The following ZNF705B variants were observed in gnomAD, a reference collection of about 807,000 sequenced individuals.
ZNF705B encodes Putative zinc finger protein 705D-like protein LOC100132396.
A neutral mutation model predicts 10.5 loss-of-function variants in ZNF705B; 1 was observed. The observed-to-expected ratio is 0.10, with a 90% CI of 0.03 to 0.45. The LOEUF (loss-of-function observed/expected upper bound fraction) is 0.45. ZNF705B is among the 20% of genes least tolerant of loss of function. The pLI, the probability that ZNF705B is intolerant of heterozygous loss-of-function variation, is 0.97. For missense variants in ZNF705B, 14 were observed against 84.0 expected, an observed-to-expected ratio of 0.17 and a Z score of 3.26; for synonymous variants, 4 against 25.4, an observed-to-expected ratio of 0.16 and a Z score of 2.53.
chr8:7,936,656 G>T (rs1461608357), intron 2 of ZNF705B, among the ~76,000 whole-genome samples: 12 of 118,554 alleles, frequency 1.0e-4, no homozygotes, highest in South Asian at 2.9e-4. Context: ...CAGTTATAAG[G>T]GGGAGCCGAG....
chr8:7,929,735 G>C (rs1333905371), intron 1 of ZNF705B, among the ~76,000 whole-genome samples: 1 of 114,764 alleles, frequency 8.7e-6, no homozygotes. Flanking sequence ...GATTTACTTT[G>C]AGTGGAGTCA....
At position 7,926,557 on chromosome 8, in the gene ZNF705B, T is replaced by C. The variant is rs1479904483; in HGVS notation, c.-222+160T>C. Reference sequence around the variant, plus strand: ...TTATTATTATTATTATTATCAGTAGTATTATCACCATCATTATTTGCTGTG... The same window carrying C: ...TTATTATTATTATTATTATCAGTAGCATTATCACCATCATTATTTGCTGTG... On this transcript the variant is annotated intron_variant, in intron 1 of 6. Coordinates refer to ENST00000400120, the MANE Select transcript of ZNF705B (RefSeq NM_001193630.1). Among the ~76,000 whole-genome samples the C allele has an allele frequency of 4.9e-4, 53 of 108,068 alleles. 5 individuals carry two copies. The highest frequency in any genetic ancestry group is 1.1e-3 in the Non-Finnish European group (49 of 45,398). 70.9% of individuals were successfully genotyped at this position (108,068 alleles called of 152,430 possible). A position where few individuals can be genotyped will look rare whatever the true frequency, so the allele number is the denominator to read the frequency against.
At chr8:7,932,798 T>G (rs75532646) in intron 2 of ZNF705B, among the ~76,000 whole-genome samples, 1,323 of 109,994 alleles carry the variant, frequency 0.012, 28 homozygotes, top group African/African-American at 0.033. Flanking sequence ...AATATCTTGA[T>G]TCTATACTCT....
chr8:7,937,204 C>T (rs1410428696), intron 2 of ZNF705B, among the ~76,000 whole-genome samples: 8 of 118,618 alleles, frequency 6.7e-5, no homozygotes, highest in African/African-American at 2.1e-4. Context: ...AGCACTAAGG[C>T]TTGGTATTCT....
chr8:7,940,705 G>A (rs562598555), intron 2 of ZNF705B, among the ~76,000 whole-genome samples: 2 of 147,598 alleles, frequency 1.4e-5, no homozygotes, highest in East Asian at 4.0e-4. Context: ...TCATTCTGTG[G>A]TTGGCCTATT....
At chr8:7,932,058 T>G (rs1231577509) in intron 2 of ZNF705B, among the ~76,000 whole-genome samples, 1 of 119,500 alleles carries the variant, frequency 8.4e-6, no homozygotes, top group Non-Finnish European at 2.0e-5. Flanking sequence ...TGGGGGCACG[T>G]GCAGACGATC....
chr8:7,932,493 A>G lies in ZNF705B; in HGVS notation c.-72+2057A>G, dbSNP rs1454938474. Among the ~76,000 whole-genome samples the G allele has an allele frequency of 9.1e-5, 11 of 121,420 alleles. 4 individuals carry two copies. The Admixed American group carries it at 1.0e-3, about 11-fold the overall frequency. The allele number at this position is 121,420 out of a possible 152,430, so 79.7% of individuals were successfully genotyped here. A position where few individuals can be genotyped will look rare whatever the true frequency, so the allele number is the denominator to read the frequency against. ...GATAATATTCTATGTGATGGCTTTA[A>G]TATATGTGTCCAAACTGCTTCTTTT... On this transcript the variant is annotated intron_variant, in intron 2 of 6. Coordinates refer to ENST00000400120, the MANE Select transcript of ZNF705B (RefSeq NM_001193630.1).
At chr8:7,935,294 T>C (rs1325474294) in intron 2 of ZNF705B, among the ~76,000 whole-genome samples, 1 of 143,922 alleles carries the variant, frequency 6.9e-6, no homozygotes, top group African/African-American at 2.5e-5. Context: ...GAGTGAAACA[T>C]TCAAGGTCTT....
At chr8:7,928,900 G>C (rs1280662947) in intron 1 of ZNF705B, among the ~76,000 whole-genome samples, 1 of 107,466 alleles carries the variant, frequency 9.3e-6, no homozygotes, top group Non-Finnish European at 2.2e-5. Context: ...TAGGGTATGA[G>C]TACAAAAAGG....
In ZNF705B at chr8:7,928,374, A is replaced by C. The variant is rs1470321183; in HGVS notation, c.-221-1913A>C. ...CCTCCCTCCGTCAATTTATTCATTC[A>C]TGTATTGATTCTTTCATTCAAGTGT... On this transcript the variant is annotated intron_variant, in intron 1 of 6. Coordinates refer to ENST00000400120, the MANE Select transcript of ZNF705B (RefSeq NM_001193630.1). Among the ~76,000 whole-genome samples the C allele has an allele frequency of 4.1e-5, 5 of 120,968 alleles. 1 individual carries two copies. Among genetic ancestry groups the C allele is most frequent in the Admixed American group, 9.4e-5 (1 of 10,616 alleles). The allele number at this position is 120,968 out of a possible 152,430, so 79.4% of individuals were successfully genotyped here.
chr8:7,941,193 G>A (rs1392731064), intron 2 of ZNF705B, among the ~76,000 whole-genome samples: 2 of 145,272 alleles, frequency 1.4e-5, no homozygotes, highest in African/African-American at 5.0e-5. Flanking sequence ...ATATTCCTTT[G>A]GGTATATACC....
chr8:7,928,323 G>T (rs530780741), intron 1 of ZNF705B, among the ~76,000 whole-genome samples: 3 of 120,602 alleles, frequency 2.5e-5, no homozygotes, highest in South Asian at 5.6e-4. Context: ...TCAAACATTC[G>T]GGCCACAGCA....
At chr8:7,933,515 GCA>G (rs1819908670) in intron 2 of ZNF705B, among the ~76,000 whole-genome samples, 1 of 34,070 alleles carries the variant, frequency 2.9e-5, no homozygotes, top group African/African-American at 5.7e-5. Flanking sequence ...AAGCTGGGAA[GCA>G]AAGGAATTCC....
intron 1 of ZNF705B, among the ~76,000 whole-genome samples, chr8:7,927,916 A>G (rs2128940782): frequency 7.2e-6 from 1 of 139,052 alleles, no homozygotes; most frequent in East Asian, 2.2e-4. Context: ...CCACTGTTAG[A>G]GAGGTCGAAA....
intron 2 of ZNF705B, among the ~76,000 whole-genome samples, chr8:7,940,737 A>G (rs1820129025): frequency 6.9e-6 from 1 of 145,878 alleles, no homozygotes; most frequent in African/African-American, 2.5e-5. Flanking sequence ...AATGCCCTCC[A>G]AGTCCATCCA....
intron 1 of ZNF705B, among the ~76,000 whole-genome samples, chr8:7,928,734 C>G (rs1379813827): frequency 4.1e-5 from 2 of 48,596 alleles, no homozygotes; most frequent in African/African-American, 8.9e-5. Flanking sequence ...AGAATTATCG[C>G]TTTTAACCAG....
At chr8:7,932,377 A>G (rs1819874038) in intron 2 of ZNF705B, among the ~76,000 whole-genome samples, 1 of 121,028 alleles carries the variant, frequency 8.3e-6, no homozygotes, top group South Asian at 2.8e-4. Flanking sequence ...AGGTATGATT[A>G]TCTACTTGCT....
chr8:7,929,974 ATGTT>A (rs1308022626), intron 1 of ZNF705B, among the ~76,000 whole-genome samples: 2 of 96,452 alleles, frequency 2.1e-5, no homozygotes, highest in African/African-American at 5.7e-5. Flanking sequence ...TACTCTATGT[ATGTT>A]CATTTTTTTA....
intron 2 of ZNF705B, among the ~76,000 whole-genome samples, chr8:7,940,954 C>G (rs1255835770): frequency 1.3e-5 from 2 of 148,602 alleles, no homozygotes; most frequent in African/African-American, 4.9e-5. Context: ...GTTTTCTGTT[C>G]GTGGGTTAGT....
Sources: allele counts gnomAD v4.1 joint callset (sites outside exome capture counted in the v4.1 genomes callset), GRCh38; gene constraint gnomAD v4.1.1; transcripts MANE v1.5; gene names NCBI Gene and HGNC (gene_info 2026-07-23, HGNC 2026-07-21).